The following PTPRD variants were observed in gnomAD, a reference collection of about 807,000 sequenced individuals.
PTPRD encodes receptor-type tyrosine-protein phosphatase delta.
A neutral mutation model predicts 214.5 loss-of-function variants in PTPRD; 34 were observed. The ratio of observed to expected loss-of-function variants is 0.16; its 90% CI spans 0.12 to 0.21. PTPRD has a LOEUF of 0.21. PTPRD is among the 10% of genes least tolerant of loss of function. The pLI is 1.00. For synonymous variants in PTPRD, 1,128 were observed against 845.7 expected (o/e 1.33, Z -5.79); for missense variants, 2,545 against 2,398.7 (o/e 1.06, Z -1.27).
At chr9:9,712,078 C>T (rs935017623) in intron 7 of PTPRD, among the ~76,000 whole-genome samples, 1 of 152,088 alleles carries the variant, frequency 6.6e-6, no homozygotes, top group African/African-American at 2.4e-5. Flanking sequence ...ACAAGTTTTT[C>T]GTTGATTTTA....
intron 8 of PTPRD, among the ~76,000 whole-genome samples, chr9:9,463,055 G>A (rs1019767970): frequency 5.3e-5 from 8 of 150,294 alleles, no homozygotes; most frequent in African/African-American, 7.5e-5. Context: ...AGGAACAAAA[G>A]CCTTTGTGGC....
intron 7 of PTPRD, among the ~76,000 whole-genome samples, chr9:9,599,486 T>C (rs1486661432): frequency 6.6e-6 from 1 of 152,098 alleles, no homozygotes; most frequent in Non-Finnish European, 1.5e-5. Context: ...GATACAGCCC[T>C]TCCTCCAATA....
chr9:9,532,647 A>G (rs2075732941), intron 8 of PTPRD, among the ~76,000 whole-genome samples: 1 of 152,072 alleles, frequency 6.6e-6, no homozygotes, highest in South Asian at 2.1e-4. Flanking sequence ...GACATGGGAG[A>G]GAATGGATTT....
intron 11 of PTPRD, among the ~76,000 whole-genome samples, chr9:8,911,699 T>G (rs1437268530): frequency 6.6e-6 from 1 of 152,150 alleles, no homozygotes; most frequent in African/African-American, 2.4e-5. Flanking sequence ...TAATTTTTTT[T>G]CTGTTTAAAG....
chr9:10,058,507 C>G (rs147674030), intron 3 of PTPRD, among the ~76,000 whole-genome samples: 1 of 152,184 alleles, frequency 6.6e-6, no homozygotes, highest in Non-Finnish European at 1.5e-5. Context: ...AATAAACTCT[C>G]TACTTATGTT....
At chr9:9,507,850 G>T (rs1222314480) in intron 8 of PTPRD, among the ~76,000 whole-genome samples, 1 of 151,434 alleles carries the variant, frequency 6.6e-6, no homozygotes, top group Non-Finnish European at 1.5e-5. Context: ...AATCTCGACT[G>T]TGCCTTCATA....
intron 7 of PTPRD, among the ~76,000 whole-genome samples, chr9:9,679,982 T>C (rs2097030738): frequency 6.6e-6 from 1 of 151,964 alleles, no homozygotes; most frequent in African/African-American, 2.4e-5. Flanking sequence ...TCTCTTGCTT[T>C]TGAATATAAT....
chr9:9,193,138 C>T (rs572376511), intron 9 of PTPRD, among the ~76,000 whole-genome samples: 2 of 152,140 alleles, frequency 1.3e-5, no homozygotes, highest in African/African-American at 4.8e-5. Flanking sequence ...AAATGAGTGA[C>T]CAGCTTGCAT....
intron 14 of PTPRD, among the ~76,000 whole-genome samples, chr9:8,543,764 G>A (rs535064457): frequency 2.0e-5 from 3 of 152,244 alleles, no homozygotes; most frequent in African/African-American, 7.2e-5. Context: ...CCAGGCTGGA[G>A]TGCAATGGCA....
intron 9 of PTPRD, among the ~76,000 whole-genome samples, chr9:9,394,312 C>T (rs1328210883): frequency 2.0e-5 from 3 of 152,124 alleles, no homozygotes; most frequent in Non-Finnish European, 4.4e-5. Flanking sequence ...ACTAGAAGGA[C>T]ATCTCCATAG....
intron 14 of PTPRD, among the ~76,000 whole-genome samples, chr9:8,615,421 A>C (rs1463796809): frequency 2.6e-5 from 4 of 152,152 alleles, no homozygotes; most frequent in African/African-American, 9.6e-5. Flanking sequence ...AAACATGAAG[A>C]AAGAGCAGTC....
intron 11 of PTPRD, among the ~76,000 whole-genome samples, chr9:8,887,112 CT>C (rs1057012815): frequency 1.3e-5 from 2 of 152,192 alleles, no homozygotes; most frequent in African/African-American, 4.8e-5. Flanking sequence ...CAGTAAGTGA[CT>C]TGCCCAAGGC....
chr9:8,821,529 T>C (rs1190939994), intron 11 of PTPRD, among the ~76,000 whole-genome samples: 1 of 152,138 alleles, frequency 6.6e-6, no homozygotes, highest in East Asian at 1.9e-4. Flanking sequence ...CATTTAGAAA[T>C]CCCCCTTTCC....
At chr9:8,714,307 G>GT (rs58676972) in intron 12 of PTPRD, among the ~76,000 whole-genome samples, 43 of 150,736 alleles carry the variant, frequency 2.9e-4, no homozygotes, top group East Asian at 2.0e-3. Flanking sequence ...AGCTTATTGG[G>GT]TTTTTTTTTG....
chr9:8,412,837 C>T (rs552978460), intron 35 of PTPRD, among the ~76,000 whole-genome samples: 2 of 152,128 alleles, frequency 1.3e-5, no homozygotes, highest in Admixed American at 1.3e-4. Flanking sequence ...TTTACTTTTC[C>T]GGCAGAGACA....
intron 11 of PTPRD, among the ~76,000 whole-genome samples, chr9:8,935,900 T>C (rs2098993544): frequency 6.6e-6 from 1 of 152,152 alleles, no homozygotes; most frequent in Admixed American, 6.5e-5. Flanking sequence ...ACAATCCTTG[T>C]GTCTCCAAAT....
intron 3 of PTPRD, among the ~76,000 whole-genome samples, chr9:10,191,638 C>CA (rs1466629911): frequency 1.3e-5 from 2 of 152,088 alleles, no homozygotes; most frequent in Non-Finnish European, 2.9e-5. Flanking sequence ...CTCTTTCCCC[C>CA]AAATGTCCAT....
chr9:9,500,746 T>G (rs1330099167), intron 8 of PTPRD, among the ~76,000 whole-genome samples: 1 of 152,122 alleles, frequency 6.6e-6, no homozygotes, highest in Non-Finnish European at 1.5e-5. Flanking sequence ...AGACTTTTTT[T>G]TCTATTCTCT....
At chr9:9,686,517 G>C (rs958389997) in intron 7 of PTPRD, among the ~76,000 whole-genome samples, 9 of 151,390 alleles carry the variant, frequency 5.9e-5, no homozygotes, top group African/African-American at 2.2e-4. Flanking sequence ...TCTATTCACA[G>C]ATAATAATCT....
Sources: gnomAD v4.1 joint callset for allele counts (sites outside exome capture counted in the v4.1 genomes callset) on GRCh38, gnomAD v4.1.1 for gene constraint, MANE v1.5 for transcripts, NCBI Gene and HGNC (gene_info 2026-07-23, HGNC 2026-07-21) for gene names.